PPP6R2: variants seen among roughly 807,000 people sequenced by gnomAD.
PPP6R2 encodes the protein protein phosphatase 6 regulatory subunit 2.
PPP6R2 carries 62 observed loss-of-function variants against 100.2 expected under a neutral mutation model. That is an observed-to-expected ratio of 0.62 (90% confidence interval 0.50 to 0.76). The LOEUF (loss-of-function observed/expected upper bound fraction) is 0.76, where lower values mean the gene tolerates loss of function less well. Among genes scored for constraint, PPP6R2 ranks in the 30% least tolerant of loss-of-function variants. The pLI, the probability that PPP6R2 is intolerant of heterozygous loss-of-function variation, is 0.00. For synonymous variants in PPP6R2, 525 were observed against 514.7 expected, an observed-to-expected ratio of 1.02 and a Z score of -0.27; for missense variants, 1,142 against 1,276.3, an observed-to-expected ratio of 0.89 and a Z score of 1.60.
chr22:50,432,162 C>T (rs1227879617), intron 11 of PPP6R2, 103 bp from the exon 12 acceptor site: 2 of 1,074,308 alleles, frequency 1.9e-6, no homozygotes, highest in Non-Finnish European at 2.7e-6. Flanking sequence ...AAAGTCCACA[C>T]AGACGTGGCC....
rs1158361560 is a variant in PPP6R2, at chr22:50,438,246, A to G, written c.1912A>G (p.Ile638Val). The change falls in exon 18 of 24, where the codon ATC becomes GTC. Residue 638 changes from isoleucine (I) to valine (V), a missense_variant. Ile to Val is a conservative substitution (Grantham distance 29, BLOSUM62 3). Coordinates refer to ENST00000612753, the MANE Select transcript of PPP6R2 (RefSeq NM_001242898.2). Reference protein sequence around the residue: ...QPFDDDEDEDIWEDSDTRCAA... With the variant: ...QPFDDDEDEDVWEDSDTRCAA... Reference sequence around the variant, plus strand: ...CTTTGATGATGATGAGGACGAGGACATCTGGGAGGACAGTGACACTCGCTG... The same window carrying G: ...CTTTGATGATGATGAGGACGAGGACGTCTGGGAGGACAGTGACACTCGCTG... 2 of 1,613,908 alleles carry G rather than the reference A, an allele frequency of 1.2e-6. No individual in the cohort carries two copies.
At chr22:50,397,237 C>G (rs757714094) in intron 3 of PPP6R2, among the ~76,000 whole-genome samples, 3 of 151,798 alleles carry the variant, frequency 2.0e-5, no homozygotes, top group Non-Finnish European at 4.4e-5. Context: ...CCTGTGACTT[C>G]GGAGGGAGAG....
intron 16 of PPP6R2, 35 bp downstream of exon 16, chr22:50,437,638 C>G (rs759089653): frequency 3.3e-6 from 5 of 1,534,230 alleles, no homozygotes; most frequent in Non-Finnish European, 3.6e-6. Flanking sequence ...GCACGAGGCG[C>G]GGCTCTCCCT....
chr22:50,399,153 A>T (rs1010053352), intron 3 of PPP6R2, among the ~76,000 whole-genome samples: 1 of 152,180 alleles, frequency 6.6e-6, no homozygotes, highest in South Asian at 2.1e-4. Flanking sequence ...AAGCTGAGAG[A>T]GTAAGTGCAC....
rs754278801 is a variant in PPP6R2, at chr22:50,444,074, G to A, written c.2788G>A (p.Ala930Thr). 4.0e-5 allele frequency: 65 copies of A among 1,612,652 alleles called. No individual in the cohort carries two copies. Among genetic ancestry groups the A allele is most frequent in the Non-Finnish European group, 5.4e-5 (64 of 1,179,380 alleles). Residue 930 changes from alanine to threonine, a missense_variant, in exon 23 of 24, where the codon GCC becomes ACC. Ala to Thr is a moderately conservative substitution (Grantham distance 58). Transcript: ENST00000612753. Reference sequence around the variant, plus strand: ...AGGGCCCATCATGGCAGTCACAGCAGCCCCAGCCATGGTGGCCACCCTGGG... The same window carrying A: ...AGGGCCCATCATGGCAGTCACAGCAACCCCAGCCATGGTGGCCACCCTGGG... ...PLGPIMAVTA[A>T]PAMVATLGTV... is the part of the protein sequence containing the mutation.
At chr22:50,355,687 A>T (rs1411183918) in intron 1 of PPP6R2, among the ~76,000 whole-genome samples, 1 of 145,958 alleles carries the variant, frequency 6.9e-6, no homozygotes, top group African/African-American at 2.6e-5. Context: ...CACCCAGCTA[A>T]TTTTTTTCTA....
intron 1 of PPP6R2, among the ~76,000 whole-genome samples, chr22:50,370,494 G>A (rs12166420): frequency 0.031 from 4,728 of 151,562 alleles, 96 homozygotes; most frequent in Middle Eastern, 0.045. Context: ...TCACTATGTT[G>A]GCCAGACTGG....
intron 2 of PPP6R2, among the ~76,000 whole-genome samples, chr22:50,380,849 C>T (rs1301068595): frequency 4.0e-5 from 6 of 151,228 alleles, no homozygotes; most frequent in African/African-American, 1.2e-4. Flanking sequence ...ATTAGCCGGG[C>T]GTGGTGGCGG....
intron 1 of PPP6R2, among the ~76,000 whole-genome samples, chr22:50,369,308 G>C (rs565992199): frequency 1.3e-5 from 2 of 149,696 alleles, no homozygotes; most frequent in East Asian, 3.9e-4. Flanking sequence ...TGGGCTGAAA[G>C]CCTATTTTGA....
At chr22:50,413,077 C>T (rs2059999879) in intron 4 of PPP6R2, among the ~76,000 whole-genome samples, 1 of 151,844 alleles carries the variant, frequency 6.6e-6, no homozygotes, top group African/African-American at 2.4e-5. Flanking sequence ...TCTGCCTCAG[C>T]CTCCCGAGTA....
intron 4 of PPP6R2, among the ~76,000 whole-genome samples, chr22:50,414,299 C>T (rs1034731355): frequency 4.7e-5 from 6 of 127,810 alleles, no homozygotes; most frequent in African/African-American, 8.7e-5. Context: ...TGTGTCCTGT[C>T]GGTGCAGAGC....
intron 6 of PPP6R2, among the ~76,000 whole-genome samples, chr22:50,416,860 G>A (rs1380717381): frequency 6.6e-6 from 1 of 151,618 alleles, no homozygotes; most frequent in Non-Finnish European, 1.5e-5. Context: ...GGAAGCTGAG[G>A]CACAAGAATC....
At chr22:50,437,187 T>A in intron 15 of PPP6R2, 119 bp downstream of exon 15, 1 of 1,027,232 alleles carries the variant, frequency 9.7e-7, no homozygotes, top group Non-Finnish European at 1.5e-6. Context: ...CGGGGGCTCG[T>A]CTCCGAGCAC....
intron 12 of PPP6R2, 40 bp from the exon 13 acceptor site, chr22:50,434,926 G>T (rs201042985): frequency 1.3e-6 from 2 of 1,564,984 alleles, no homozygotes; most frequent in East Asian, 4.5e-5. Context: ...TGGCAAGGTC[G>T]GGGCCAGGAG....
chr22:50,352,740 CAAA>C (rs755138488), intron 1 of PPP6R2, among the ~76,000 whole-genome samples: 3 of 132,348 alleles, frequency 2.3e-5, no homozygotes, highest in African/African-American at 1.0e-4. Context: ...AAAACAAAAA[CAAA>C]AAAAAAAAAC....
At chr22:50,354,376 G>A (rs2045992728) in intron 1 of PPP6R2, among the ~76,000 whole-genome samples, 1 of 152,154 alleles carries the variant, frequency 6.6e-6, no homozygotes, top group African/African-American at 2.4e-5. Context: ...TTTTCTCAGA[G>A]TTACCAGTTG....
At chr22:50,381,922 G>GA (rs201998789) in intron 2 of PPP6R2, among the ~76,000 whole-genome samples, 1 of 144,732 alleles carries the variant, frequency 6.9e-6, no homozygotes, top group Middle Eastern at 3.3e-3. Context: ...AAAAAAAAAA[G>GA]AAAAAAAAGG....
intron 1 of PPP6R2, among the ~76,000 whole-genome samples, chr22:50,349,842 G>T (rs1489350690): frequency 6.7e-6 from 1 of 150,178 alleles, no homozygotes; most frequent in Non-Finnish European, 1.5e-5. Flanking sequence ...GAAAAAAGCA[G>T]CTGGGTGTGG....
the PPP6R2 span, among the ~76,000 whole-genome samples, chr22:50,332,250 T>C: frequency 1.3e-5 from 2 of 150,828 alleles, no homozygotes; most frequent in African/African-American, 2.5e-5. Flanking sequence ...TTTTTTGAGA[T>C]GGAGTCTTGC....
Sources: allele counts gnomAD v4.1 joint callset (sites outside exome capture counted in the v4.1 genomes callset), GRCh38; gene constraint gnomAD v4.1.1; transcripts MANE v1.5; gene names NCBI Gene and HGNC (gene_info 2026-07-23, HGNC 2026-07-21).